The following PLEKHH2 variants were observed in gnomAD, a reference collection of about 807,000 sequenced individuals.
PLEKHH2 encodes the protein pleckstrin homology domain-containing family H member 2.
Under a neutral mutation model 187.9 loss-of-function variants are expected in PLEKHH2, and 129 were observed. The observed-to-expected ratio is 0.69, with a 90% CI of 0.59 to 0.79. PLEKHH2 has a LOEUF of 0.79. Among genes scored for constraint, PLEKHH2 ranks in the 30% least tolerant of loss-of-function variants. The pLI is 0.00. For synonymous variants in PLEKHH2, 686 were observed against 605.6 expected, an observed-to-expected ratio of 1.13 and a Z score of -1.95; for missense variants, 2,076 against 1,751.2, an observed-to-expected ratio of 1.19 and a Z score of -3.31.
At chr2:43,680,167 G>A (rs1166233506) in intron 3 of PLEKHH2, among the ~76,000 whole-genome samples, 2 of 152,130 alleles carry the variant, frequency 1.3e-5, no homozygotes, top group Non-Finnish European at 2.9e-5. Context: ...GTGAGTTCTG[G>A]TGTTCTGCAG....
At chr2:43,685,065 G>A (rs943054743) in intron 3 of PLEKHH2, among the ~76,000 whole-genome samples, 14 of 152,226 alleles carry the variant, frequency 9.2e-5, no homozygotes, top group African/African-American at 3.4e-4. Flanking sequence ...AAGACTAAGT[G>A]TTAATAACTT....
Position 43,743,849 on chromosome 2 carries a change from G to A in PLEKHH2, c.3415G>A (p.Ala1139Thr), listed in dbSNP as rs755903321. 2.7e-5 allele frequency: 44 copies of A among 1,612,732 alleles called. No homozygotes were observed. The highest frequency in any genetic ancestry group is 3.3e-5 in the Non-Finnish European group (39 of 1,179,100). ...NGIYQVVGFD[A>T]STTVEEFLNT... ...TTCTGTCTAGGTAGTTGGTTTTGAC[G>A]CATCTACCACAGTGGAAGAATTTTT... Residue 1139 changes from alanine (A) to threonine (T), a missense_variant, in exon 23 of 30, where the codon GCA (alanine) becomes ACA (threonine). By Grantham distance (58) the Ala-to-Thr change is moderately conservative. Transcript: ENST00000282406.
chr2:43,744,882 A>AAAAAAG lies in PLEKHH2; in HGVS notation c.3555+904_3555+909dup, dbSNP rs1553351314. 9.6e-3 allele frequency among the ~76,000 whole-genome samples: 1,361 copies of AAAAAAG among 142,450 alleles called. 2 individuals are homozygous for AAAAAAG. The highest frequency in any genetic ancestry group is 0.011 in the Admixed American group (153 of 13,442). 93.5% of individuals were successfully genotyped at this position (142,450 alleles called of 152,430 possible). A position where few individuals can be genotyped will look rare whatever the true frequency, so the allele number is the denominator to read the frequency against. ...GACTGTCTCACAAAAAAAAAAAAAA[A>AAAAAAG]AAAAAGAAAAAGAAAAGAAAGGAAG... On this transcript the variant is annotated intron_variant, in intron 23 of 29. Transcript: ENST00000282406.
At chr2:43,681,924 A>G in intron 3 of PLEKHH2, among the ~76,000 whole-genome samples, 1 of 152,198 alleles carries the variant, frequency 6.6e-6, no homozygotes, top group Non-Finnish European at 1.5e-5. Context: ...ATTATGCTTG[A>G]AAAGGAAATC....
At chr2:43,754,518 T>C (rs1049616543) in intron 25 of PLEKHH2, among the ~76,000 whole-genome samples, 3 of 152,200 alleles carry the variant, frequency 2.0e-5, no homozygotes, top group Admixed American at 2.0e-4. Flanking sequence ...TGGCCTTGCC[T>C]ACTACCTACC....
intron 3 of PLEKHH2, among the ~76,000 whole-genome samples, chr2:43,682,528 A>T (rs1179872220): frequency 6.6e-6 from 1 of 152,086 alleles, no homozygotes; most frequent in East Asian, 1.9e-4. Context: ...GCTGGTCTCG[A>T]ACTCCTGACC....
chr2:43,680,711 G>T, intron 3 of PLEKHH2: 1 of 415,888 alleles, frequency 2.4e-6, no homozygotes, highest in South Asian at 2.0e-5. Flanking sequence ...CCTTCCGAAG[G>T]AAATTTATCA....
At chr2:43,706,286 T>C in intron 9 of PLEKHH2, 36 bp from the exon 10 acceptor site, 2 of 1,465,790 alleles carry the variant, frequency 1.4e-6, no homozygotes, top group Non-Finnish European at 1.9e-6. Context: ...TAATTAGAAG[T>C]TTTTTAAAAT....
At chr2:43,688,807 G>A (rs13407126) in intron 3 of PLEKHH2, among the ~76,000 whole-genome samples, 3,517 of 152,260 alleles carry the variant, frequency 0.023, 148 homozygotes, top group African/African-American at 0.08. Flanking sequence ...GTTGCACAGG[G>A]ATGCACTTAA....
At position 43,671,144 on chromosome 2, in the gene PLEKHH2, G is replaced by A. The variant is rs949876815; in HGVS notation, c.124-7719G>A. On this transcript the variant is annotated intron_variant, in intron 2 of 29. Coordinates refer to ENST00000282406, the MANE Select transcript of PLEKHH2 (RefSeq NM_172069.4). ...TGGGATTACAGGCACCTGCCACCACGACCAGCTATTTTTTGTATTTTTAGT... is the reference window on the plus strand; with the variant it reads ...TGGGATTACAGGCACCTGCCACCACAACCAGCTATTTTTTGTATTTTTAGT... 4.6e-5 allele frequency among the ~76,000 whole-genome samples: 7 copies of A among 151,738 alleles called. No homozygotes were observed. The East Asian group carries it at 5.8e-4, about 13-fold the overall frequency.
intron 27 of PLEKHH2, among the ~76,000 whole-genome samples, 155 bp downstream of exon 27, chr2:43,759,184 A>T (rs545557670): frequency 1.4e-4 from 21 of 152,352 alleles, no homozygotes; most frequent in African/African-American, 4.1e-4. Context: ...GAAAGGGCAG[A>T]AAAGCTTCTC....
At chr2:43,720,846 A>T in intron 16 of PLEKHH2, 97 bp downstream of exon 16, 1 of 1,482,124 alleles carries the variant, frequency 6.7e-7, no homozygotes, top group Non-Finnish European at 8.9e-7. Context: ...GTAAAACTTC[A>T]GAATCTTTAT....
intron 28 of PLEKHH2, 37 bp from the exon 29 acceptor site, chr2:43,764,191 G>T: frequency 8.2e-7 from 1 of 1,217,844 alleles, no homozygotes; most frequent in South Asian, 2.6e-5. Context: ...TTGGAAGTAA[G>T]AGCATATAAC....
At chr2:43,740,037 C>T (rs1671488225) in intron 20 of PLEKHH2, among the ~76,000 whole-genome samples, 1 of 152,176 alleles carries the variant, frequency 6.6e-6, no homozygotes, top group Admixed American at 6.5e-5. Flanking sequence ...AGGGCAGGGA[C>T]AATGCCTATT....
intron 16 of PLEKHH2, among the ~76,000 whole-genome samples, chr2:43,721,176 T>A (rs138537038): frequency 6.6e-6 from 1 of 152,216 alleles, no homozygotes; most frequent in African/African-American, 2.4e-5. Flanking sequence ...TCCATCTGCC[T>A]GTTTATATTC....
intron 11 of PLEKHH2, among the ~76,000 whole-genome samples, chr2:43,708,539 G>A (rs918411158): frequency 1.3e-5 from 2 of 152,186 alleles, no homozygotes; most frequent in African/African-American, 4.8e-5. Context: ...GCAGCCCTTT[G>A]TCTTTCTTCT....
chr2:43,728,218 C>G (rs1371675951), intron 17 of PLEKHH2, among the ~76,000 whole-genome samples: 2 of 152,018 alleles, frequency 1.3e-5, no homozygotes, highest in Non-Finnish European at 2.9e-5. Context: ...GTGTCTCACG[C>G]CTGTAATCCC....
chr2:43,681,982 A>T (rs1188640960), intron 3 of PLEKHH2, among the ~76,000 whole-genome samples: 1 of 152,234 alleles, frequency 6.6e-6, no homozygotes, highest in Admixed American at 6.5e-5. Flanking sequence ...GAGTAGAGAA[A>T]ATAGTATAGT....
intron 24 of PLEKHH2, 58 bp downstream of exon 24, chr2:43,746,021 C>T (rs1273600665): frequency 9.1e-7 from 1 of 1,100,892 alleles, no homozygotes; most frequent in Non-Finnish European, 1.3e-6. Flanking sequence ...TCTAATAATG[C>T]ACCTACTATT....
Sources: gnomAD v4.1 joint callset for allele counts (sites outside exome capture counted in the v4.1 genomes callset) on GRCh38, gnomAD v4.1.1 for gene constraint, MANE v1.5 for transcripts, NCBI Gene and HGNC (gene_info 2026-07-23, HGNC 2026-07-21) for gene names.